The following CCDC90B variants were observed in gnomAD, a reference collection of about 807,000 sequenced individuals.
CCDC90B encodes coiled-coil domain containing 90B.
CCDC90B carries 24 observed loss-of-function variants against 37.0 expected under a neutral mutation model. That is an observed-to-expected ratio of 0.65 (90% CI 0.47 to 0.91). CCDC90B has a LOEUF of 0.91. Among genes scored for constraint, CCDC90B ranks in the 40% least tolerant of loss-of-function variants. The pLI, the probability that CCDC90B is intolerant of heterozygous loss-of-function variation, is 0.00. For synonymous variants in CCDC90B, 113 were observed against 101.1 expected (o/e 1.12, Z -0.71); for missense variants, 319 against 299.0 (o/e 1.07, Z -0.49).
In CCDC90B at chr11:83,283,317, ATC is replaced by A. The variant is rs200145051; in HGVS notation, c.100+2554_100+2555del. ...TTGGATGATGGTAGAACTATATTAAATCTGAGAGAAGTTATCCAGACAGGATG... is the reference window on the plus strand; with the variant it reads ...TTGGATGATGGTAGAACTATATTAAATGAGAGAAGTTATCCAGACAGGATG... On this transcript the variant is annotated intron_variant, in intron 1 of 8. Coordinates refer to ENST00000529689, the MANE Select transcript of CCDC90B (RefSeq NM_021825.5). Among the ~76,000 whole-genome samples, 8 of 152,352 alleles carry A rather than the reference ATC, an allele frequency of 5.3e-5. No individual in the cohort carries two copies. The East Asian group carries it at 1.5e-3, about 29-fold the overall frequency.
At chr11:83,274,564 T>C (rs1216090234) in intron 4 of CCDC90B, 75 bp downstream of exon 4, 60 of 818,624 alleles carry the variant, frequency 7.3e-5, no homozygotes, top group Non-Finnish European at 1.1e-4. Flanking sequence ...CTTGGTCTTA[T>C]TAACTTATTC....
Position 83,261,055 on chromosome 11 carries a change from A to T in CCDC90B, c.*856T>A, listed in dbSNP as rs1278402. On this transcript the variant is annotated 3_prime_UTR_variant, in exon 9 of 9. Coordinates refer to ENST00000529689, the MANE Select transcript of CCDC90B (RefSeq NM_021825.5). ...AGCTCAATATTTAGCAACTCTACAG[A>T]TTTCATATTAAGTGTTGTAATTTGC... is the stretch of plus-strand genomic sequence containing the variant. 1 of 152,074 alleles carries T rather than the reference A, an allele frequency of 6.6e-6. No individual in the cohort carries two copies. The highest frequency in any genetic ancestry group is 1.5e-5 in the Non-Finnish European group (1 of 68,002). The allele number at this position is 152,074 out of a possible 1,614,324, so 9.4% of individuals were successfully genotyped here.
At chr11:83,266,092 T>C in intron 7 of CCDC90B, 113 bp from the exon 8 acceptor site, 1 of 594,258 alleles carries the variant, frequency 1.7e-6, no homozygotes, top group East Asian at 3.0e-5. Context: ...AAAGTCTTAG[T>C]TGGGGAAACA....
At chr11:83,274,584 G>C in intron 4 of CCDC90B, 55 bp downstream of exon 4, 2 of 998,934 alleles carry the variant, frequency 2.0e-6, no homozygotes, top group Non-Finnish European at 3.0e-6. Context: ...CCTTAAGTAG[G>C]ATGCTTATTA....
chr11:83,269,303 A>G (rs1331558732), intron 7 of CCDC90B, among the ~76,000 whole-genome samples: 1 of 152,100 alleles, frequency 6.6e-6, no homozygotes, highest in African/African-American at 2.4e-5. Flanking sequence ...TAAGAGACAC[A>G]ACAAACCCTT....
At chr11:83,274,785 T>A in intron 3 of CCDC90B, 45 bp from the exon 4 acceptor site, 3 of 1,192,034 alleles carry the variant, frequency 2.5e-6, no homozygotes, top group Non-Finnish European at 3.7e-6. Context: ...TAGAAAGCCA[T>A]CTTTTTATTT....
chr11:83,273,666 G>C lies in CCDC90B; in HGVS notation c.575C>G (p.Thr192Ser). ...CTTTACCTTTTTTGTAAATTCTGTA[G>C]TTGTTTCCATAAGTTGCTTTTCTTG... Reference protein sequence around the residue: ...TDQEKQLMETTTEFTKKDTQT... With the variant: ...TDQEKQLMETSTEFTKKDTQT... The change falls in exon 7 of 9, where the codon ACT becomes AGT. Residue 192 changes from threonine to serine, a missense_variant. Physicochemically the swap from Thr to Ser is moderately conservative, Grantham distance 58 (BLOSUM62 1). Coordinates refer to ENST00000529689, the MANE Select transcript of CCDC90B (RefSeq NM_021825.5). 2.5e-6 allele frequency: 4 copies of C among 1,603,006 alleles called. No homozygotes were observed. The highest frequency in any genetic ancestry group is 3.4e-6 in the Non-Finnish European group (4 of 1,175,916).
intron 7 of CCDC90B, 125 bp from the exon 8 acceptor site, chr11:83,266,104 T>G: frequency 1.7e-6 from 1 of 574,712 alleles, no homozygotes; most frequent in African/African-American, 1.9e-5. Context: ...GGGGAAACAT[T>G]AAAAGCATAG....
intron 3 of CCDC90B, among the ~76,000 whole-genome samples, chr11:83,276,627 G>A (rs954471796): frequency 2.0e-5 from 3 of 152,184 alleles, no homozygotes; most frequent in African/African-American, 7.2e-5. Context: ...TGGGATTACA[G>A]GCGTGAGCCA....
intron 8 of CCDC90B, among the ~76,000 whole-genome samples, chr11:83,264,049 A>G (rs1591026917): frequency 6.6e-6 from 1 of 152,230 alleles, no homozygotes; most frequent in Non-Finnish European, 1.5e-5. Flanking sequence ...TTAAATGTAC[A>G]TAGCAAGTTG....
rs753456737 is a variant in CCDC90B, at chr11:83,273,647, C to CT, written c.593dup (p.Asp199GlyfsTer13). On this transcript the variant is annotated frameshift_variant and splice_region_variant, in exon 7 of 9. Transcript: ENST00000529689. LOFTEE classifies it high-confidence loss of function. Reference sequence around the variant, plus strand: ...GAGACATTTTTACATATTACTTTACCTTTTTTGTAAATTCTGTAGTTGTTT... The same window carrying CT: ...GAGACATTTTTACATATTACTTTACCTTTTTTTGTAAATTCTGTAGTTGTTT... 8 of 1,589,726 alleles carry CT rather than the reference C, an allele frequency of 5.0e-6. No homozygotes were observed. The highest frequency in any genetic ancestry group is 6.9e-6 in the Non-Finnish European group (8 of 1,167,288).
At chr11:83,282,069 T>G (rs564730154) in intron 1 of CCDC90B, among the ~76,000 whole-genome samples, 1 of 152,312 alleles carries the variant, frequency 6.6e-6, no homozygotes, top group African/African-American at 2.4e-5. Flanking sequence ...CAAAATCATC[T>G]AACACAAAGC....
At chr11:83,285,005 G>T (rs1241225278) in intron 1 of CCDC90B, 5 of 548,880 alleles carry the variant, frequency 9.1e-6, no homozygotes, top group Non-Finnish European at 1.3e-5. Context: ...AACAACTGCA[G>T]TTTTGACTGC....
intron 7 of CCDC90B, among the ~76,000 whole-genome samples, chr11:83,271,366 TC>T (rs1282546169): frequency 6.6e-6 from 1 of 152,124 alleles, no homozygotes; most frequent in African/African-American, 2.4e-5. Flanking sequence ...ATTTTTGCAA[TC>T]TACCCATCTG....
intron 7 of CCDC90B, among the ~76,000 whole-genome samples, chr11:83,269,406 C>CACTA (rs1369613202): frequency 6.6e-6 from 1 of 151,606 alleles, no homozygotes; most frequent in Non-Finnish European, 1.5e-5. Context: ...ATTGATAGAC[C>CACTA]ACTAGCCAGA....
At chr11:83,280,574 T>G (rs543031886) in intron 1 of CCDC90B, among the ~76,000 whole-genome samples, 2 of 152,238 alleles carry the variant, frequency 1.3e-5, no homozygotes, top group Non-Finnish European at 2.9e-5. Context: ...CTCTAATTAC[T>G]GAAAAGCAGA....
At chr11:83,280,335 TC>T in intron 1 of CCDC90B, 75 bp from the exon 2 acceptor site, 2 of 1,333,104 alleles carry the variant, frequency 1.5e-6, no homozygotes, top group Non-Finnish European at 1.1e-6. Flanking sequence ...CAAAGCATTT[TC>T]CCCATCCATT....
chr11:83,283,470 A>G (rs1184315185), intron 1 of CCDC90B, among the ~76,000 whole-genome samples: 1 of 152,246 alleles, frequency 6.6e-6, no homozygotes, highest in East Asian at 1.9e-4. Flanking sequence ...TATGTGCTCA[A>G]ATATTCACAT....
Position 83,286,286 on chromosome 11 carries a change from T to TG in CCDC90B, c.-315dup, listed in dbSNP as rs1865690601. The TG allele has an allele frequency of 3.3e-6, 4 of 1,204,136 alleles. No homozygotes were observed. The African/African-American group carries it at 4.5e-5, about 14-fold the overall frequency. The allele number at this position is 1,204,136 out of a possible 1,614,324, so 74.6% of individuals were successfully genotyped here. ...CCTTCCGGCGCCTGTTTCCTGGCAG[T>TG]GGGGCATAGTCCAACAGCTGGCTCC... is the stretch of plus-strand genomic sequence containing the variant. On this transcript the variant is annotated 5_prime_UTR_variant, in exon 1 of 9. The change creates a premature stop within an existing upstream ORF in the 5' untranslated region. Transcript: ENST00000529689.
Sources: gnomAD v4.1 joint callset for allele counts (sites outside exome capture counted in the v4.1 genomes callset) on GRCh38, gnomAD v4.1.1 for gene constraint, MANE v1.5 for transcripts, NCBI Gene and HGNC (gene_info 2026-07-23, HGNC 2026-07-21) for gene names.